Variants in ZNF33A observed in about 807,000 individuals in gnomAD.
ZNF33A encodes the protein zinc finger protein 33A.
In ZNF33A, 9 loss-of-function variants were observed where a neutral mutation model predicts 15.9. The observed-to-expected ratio is 0.57, with a 90% CI of 0.34 to 0.99. The LOEUF (loss-of-function observed/expected upper bound fraction) is 0.99, where lower values mean the gene tolerates loss of function less well. ZNF33A is among the 50% of genes least tolerant of loss of function. The pLI, the probability that ZNF33A is intolerant of heterozygous loss-of-function variation, is 0.02. For synonymous variants in ZNF33A, 294 were observed against 324.2 expected, an observed-to-expected ratio of 0.91 and a Z score of 1.00; for missense variants, 843 against 941.6, an observed-to-expected ratio of 0.90 and a Z score of 1.37.
chr10:38,010,593 A>C, upstream of ZNF33A: 1 of 1,000,580 alleles, frequency 1.0e-6, no homozygotes, highest in Non-Finnish European at 1.6e-6. Context: ...CTCACGGGAA[A>C]GGTAGTTTCC....
Position 38,047,624 on chromosome 10 carries a change from C to CAAAAAAAA in ZNF33A, c.251-6718_251-6711dup. ...CTGGCGATAGAGCAAGACTCTGTCTCAAAAAAAAAAAAAAAAAAAAAAAAA... is the reference window on the plus strand; with the variant it reads ...CTGGCGATAGAGCAAGACTCTGTCTCAAAAAAAAAAAAAAAAAAAAAAAAAAAAAAAAA... On this transcript the variant is annotated intron_variant, in intron 4 of 4. Transcript: ENST00000432900. Among the ~76,000 whole-genome samples, 102 of 74,990 alleles carry CAAAAAAAA rather than the reference C, an allele frequency of 1.4e-3. 6 individuals are homozygous for CAAAAAAAA. Among genetic ancestry groups the CAAAAAAAA allele is most frequent in the East Asian group, 3.3e-3 (7 of 2,108 alleles). The allele number at this position is 74,990 out of a possible 152,430, so 49.2% of individuals were successfully genotyped here. A position where few individuals can be genotyped will look rare whatever the true frequency, so the allele number is the denominator to read the frequency against.
At chr10:38,010,610 G>T (rs769252654), upstream of ZNF33A, 1 of 1,181,684 alleles carries the variant, frequency 8.5e-7, no homozygotes, top group East Asian at 2.3e-5. Context: ...TTCCAGGTAG[G>T]GCGCCAACAG....
At chr10:38,010,579 C>G (rs1469941993), upstream of ZNF33A, 4 of 909,356 alleles carry the variant, frequency 4.4e-6, no homozygotes, top group East Asian at 4.8e-5. Context: ...GCTGCTCGCC[C>G]GGCCTCACGG....
chr10:38,029,483 C>G (rs947353628), intron 4 of ZNF33A, among the ~76,000 whole-genome samples: 2 of 152,168 alleles, frequency 1.3e-5, no homozygotes, highest in African/African-American at 4.8e-5. Flanking sequence ...TTTGAAGTCG[C>G]CTTTTTCCTG....
At chr10:38,011,111 G>C (rs755696404) in intron 1 of ZNF33A, among the ~76,000 whole-genome samples, 10 of 152,234 alleles carry the variant, frequency 6.6e-5, no homozygotes, top group Non-Finnish European at 1.2e-4. Context: ...AGGGCGCCGC[G>C]GTACGTGGGC....
chr10:38,017,180 A>C (rs2064494053), intron 3 of ZNF33A, 111 bp from the exon 4 acceptor site: 7 of 1,384,028 alleles, frequency 5.1e-6, no homozygotes, highest in Non-Finnish European at 6.9e-6. Context: ...TCACCTCTCC[A>C]GTGAAAATGT....
intron 4 of ZNF33A, among the ~76,000 whole-genome samples, chr10:38,052,253 A>C (rs1035640220): frequency 2.5e-4 from 38 of 151,278 alleles, no homozygotes; most frequent in African/African-American, 9.0e-4. Flanking sequence ...AATAATGACT[A>C]TAATTATTAA....
intron 4 of ZNF33A, chr10:38,043,901 G>A (rs2065829185): frequency 6.7e-6 from 1 of 149,442 alleles, no homozygotes; most frequent in African/African-American, 2.5e-5. Context: ...ATGAACTTGT[G>A]TGTCATTCTT....
intron 2 of ZNF33A, among the ~76,000 whole-genome samples, chr10:38,014,637 C>A (rs1258155382): frequency 6.6e-6 from 1 of 152,092 alleles, no homozygotes; most frequent in East Asian, 1.9e-4. Context: ...TGATATTTGT[C>A]ATCAATTATG....
At chr10:38,034,553 T>G (rs1383128796) in intron 4 of ZNF33A, among the ~76,000 whole-genome samples, 1 of 152,220 alleles carries the variant, frequency 6.6e-6, no homozygotes, top group Non-Finnish European at 1.5e-5. Flanking sequence ...TTTTATGACT[T>G]TTGATGTTGG....
intron 4 of ZNF33A, among the ~76,000 whole-genome samples, chr10:38,024,175 A>AAAAAAAAAAAAAAAAAG (rs1564841335): frequency 1.4e-5 from 2 of 144,674 alleles, no homozygotes. Context: ...AAAAAAAAAA[A>AAAAAAAAAAAAAAAAAG]AAAAAAGAAA....
chr10:38,011,430 C>T (rs148242876), intron 1 of ZNF33A, among the ~76,000 whole-genome samples: 1 of 152,026 alleles, frequency 6.6e-6, no homozygotes, highest in African/African-American at 2.4e-5. Context: ...ACTAAAAATA[C>T]GAAAAGTAGC....
At chr10:38,032,730 T>C (rs1025526220) in intron 4 of ZNF33A, among the ~76,000 whole-genome samples, 2 of 150,200 alleles carry the variant, frequency 1.3e-5, no homozygotes, top group Admixed American at 6.6e-5. Context: ...AGATTACAGG[T>C]GTGAACCACC....
In ZNF33A at chr10:38,059,941, T is replaced by C; in HGVS notation, c.*3381T>C. 2 of 330,002 alleles carry C rather than the reference T, an allele frequency of 6.1e-6. No homozygotes were observed. Among genetic ancestry groups the C allele is most frequent in the Non-Finnish European group, 8.7e-6 (2 of 230,824 alleles). The allele number at this position is 330,002 out of a possible 1,614,324, so 20.4% of individuals were successfully genotyped here. ...TAATGATTGGGGAGCCTGTGGAAGATGGGAGGGGAAAGGGTTATATGAGAA... is the reference window on the plus strand; with the variant it reads ...TAATGATTGGGGAGCCTGTGGAAGACGGGAGGGGAAAGGGTTATATGAGAA... On this transcript the variant is annotated 3_prime_UTR_variant, in exon 5 of 5. Transcript: ENST00000432900.
intron 4 of ZNF33A, among the ~76,000 whole-genome samples, chr10:38,048,853 A>C (rs1458376903): frequency 2.0e-5 from 3 of 152,174 alleles, no homozygotes; most frequent in African/African-American, 4.8e-5. Flanking sequence ...AATTGATAAA[A>C]CAGGAAAAGG....
intron 4 of ZNF33A, among the ~76,000 whole-genome samples, chr10:38,046,792 G>A (rs879666545): frequency 4.0e-5 from 6 of 151,784 alleles, no homozygotes; most frequent in Non-Finnish European, 5.9e-5. Context: ...GTAGAGACAC[G>A]GAAGATTTAA....
intron 4 of ZNF33A, chr10:38,039,304 G>A (rs2065591899): frequency 2.7e-6 from 1 of 368,946 alleles, no homozygotes; most frequent in Admixed American, 3.2e-5. Context: ...GCTCACTGCA[G>A]CCTGACTTCC....
intron 2 of ZNF33A, among the ~76,000 whole-genome samples, chr10:38,012,563 C>T (rs970049893): frequency 3.3e-5 from 5 of 151,360 alleles, no homozygotes; most frequent in African/African-American, 1.2e-4. Flanking sequence ...CCCCGAGTAG[C>T]TGGGACTGCA....
At chr10:38,028,379 GCTT>G (rs2065069682) in intron 4 of ZNF33A, among the ~76,000 whole-genome samples, 1 of 152,022 alleles carries the variant, frequency 6.6e-6, no homozygotes, top group South Asian at 2.1e-4. Context: ...ACAAGGCAGT[GCTT>G]CTGCCATACT....
Sources: gnomAD v4.1 joint callset for allele counts (sites outside exome capture counted in the v4.1 genomes callset) on GRCh38, gnomAD v4.1.1 for gene constraint, MANE v1.5 for transcripts, NCBI Gene and HGNC (gene_info 2026-07-23, HGNC 2026-07-21) for gene names.